The following KSR1 variants were observed in gnomAD, a reference collection of about 807,000 sequenced individuals.
KSR1 encodes the protein kinase suppressor of ras 1.
A neutral mutation model predicts 92.9 loss-of-function variants in KSR1; 35 were observed. The observed-to-expected ratio is 0.38, with a 90% CI of 0.29 to 0.50. KSR1 has a LOEUF of 0.50. KSR1 is among the 20% of genes least tolerant of loss of function. KSR1 has a pLI of 0.94. For missense variants in KSR1, 972 were observed against 1,158.5 expected (o/e 0.84, Z 2.34); for synonymous variants, 467 against 472.6 (o/e 0.99, Z 0.15).
intron 12 of KSR1, among the ~76,000 whole-genome samples, chr17:27,604,127 G>C (rs1046235461): frequency 1.3e-5 from 2 of 152,170 alleles, no homozygotes; most frequent in Non-Finnish European, 2.9e-5. Context: ...GGACCCAGGC[G>C]GGTTGGATAG....
chr17:27,565,667 C>G (rs981203435), intron 2 of KSR1, among the ~76,000 whole-genome samples: 1 of 152,154 alleles, frequency 6.6e-6, no homozygotes, highest in Non-Finnish European at 1.5e-5. Flanking sequence ...TCAAGCAGTC[C>G]ACCTGCCTCA....
chr17:27,481,254 A>C (rs746368868), intron 1 of KSR1, among the ~76,000 whole-genome samples: 4 of 151,942 alleles, frequency 2.6e-5, no homozygotes, highest in Non-Finnish European at 5.9e-5. Flanking sequence ...TTGGACTGCT[A>C]GGTTGGGAGG....
intron 1 of KSR1, among the ~76,000 whole-genome samples, chr17:27,547,114 A>T (rs1205160756): frequency 6.6e-6 from 1 of 152,170 alleles, no homozygotes; most frequent in Non-Finnish European, 1.5e-5. Context: ...TAGTACCCTG[A>T]AGGGAGCAGG....
chr17:27,559,561 C>G lies in KSR1; in HGVS notation c.372+8853C>G, dbSNP rs2071738548. On this transcript the variant is annotated intron_variant, in intron 2 of 20. Transcript: ENST00000644974. The surrounding 1 kb of genome is among the most constrained non-coding windows in gnomAD (Gnocchi z 4.2). ...AATTTGAATAGACATCTGGCTATGA[C>G]TGCATTGACCAGGGCCCTGTGGTGA... Among the ~76,000 whole-genome samples, 1 of 152,258 alleles carries G rather than the reference C, an allele frequency of 6.6e-6. No individual in the cohort carries two copies. The highest frequency in any genetic ancestry group is 2.4e-5 in the African/African-American group (1 of 41,476).
intron 2 of KSR1, among the ~76,000 whole-genome samples, chr17:27,556,662 T>G (rs2071607150): frequency 6.6e-6 from 1 of 152,220 alleles, no homozygotes; most frequent in Non-Finnish European, 1.5e-5. Context: ...CCTGTATGTT[T>G]CCTAAGAAAT....
intron 14 of KSR1, among the ~76,000 whole-genome samples, chr17:27,606,593 C>CA (rs1159997308): frequency 6.6e-6 from 1 of 152,228 alleles, no homozygotes; most frequent in African/African-American, 2.4e-5. Flanking sequence ...AAATGTGTAA[C>CA]AACCAGTTTT....
At chr17:27,479,397 G>A (rs1210684202) in intron 1 of KSR1, among the ~76,000 whole-genome samples, 1 of 152,152 alleles carries the variant, frequency 6.6e-6, no homozygotes, top group Non-Finnish European at 1.5e-5. Context: ...TCAATAAGGC[G>A]AGAGCAGATG....
intron 20 of KSR1, chr17:27,622,202 TCTAA>T (rs745487104): frequency 9.3e-6 from 5 of 536,636 alleles, no homozygotes; most frequent in African/African-American, 1.9e-5. Flanking sequence ...CTGGGCAGCT[TCTAA>T]CTACCTTCCT....
rs185909666 is a variant in KSR1, at chr17:27,588,651, A to T, written c.1046+116A>T. On this transcript the variant is annotated intron_variant, in intron 6 of 20. Transcript: ENST00000644974. ...CTCTTTGCCTCTGACGGGCCTGTCCATTTCACCTGTGGGACATGGCCCTGC... is the reference window on the plus strand; with the variant it reads ...CTCTTTGCCTCTGACGGGCCTGTCCTTTTCACCTGTGGGACATGGCCCTGC... 4,378 of 919,032 alleles carry T rather than the reference A, an allele frequency of 4.8e-3. 19 individuals carry two copies. The highest frequency in any genetic ancestry group is 6.1e-3 in the Non-Finnish European group (3,901 of 637,188). The allele number at this position is 919,032 out of a possible 1,614,324, so 56.9% of individuals were successfully genotyped here.
At chr17:27,613,083 C>A (rs1016209296) in intron 18 of KSR1, 1 of 152,224 alleles carries the variant, frequency 6.6e-6, no homozygotes, top group Non-Finnish European at 1.5e-5. Flanking sequence ...AAAGATGACA[C>A]CAAAATGCTA....
At chr17:27,491,873 TCA>T (rs1173222713) in intron 1 of KSR1, among the ~76,000 whole-genome samples, 1 of 152,118 alleles carries the variant, frequency 6.6e-6, no homozygotes, top group Non-Finnish European at 1.5e-5. Context: ...GTTTTTGCCC[TCA>T]CAGGCTGGCT....
intron 1 of KSR1, among the ~76,000 whole-genome samples, chr17:27,535,411 C>T (rs2070720242): frequency 6.6e-6 from 1 of 152,164 alleles, no homozygotes; most frequent in Non-Finnish European, 1.5e-5. Flanking sequence ...TAATTCTGGT[C>T]TCATTTGAAA....
At position 27,590,417 on chromosome 17, in the gene KSR1, C is replaced by T. The variant is rs564774330; in HGVS notation, c.1047-394C>T. ...GATGGACACATAGGTTATTTTCCGT[C>T]TTTATGCTGCTAACATGCTGCAGGC... On this transcript the variant is annotated intron_variant, in intron 6 of 20. Transcript: ENST00000644974. 6.6e-5 allele frequency among the ~76,000 whole-genome samples: 10 copies of T among 152,326 alleles called. No individual in the cohort carries two copies. The East Asian group carries it at 1.9e-3, about 29-fold the overall frequency.
At chr17:27,524,919 G>A (rs568331617) in intron 1 of KSR1, among the ~76,000 whole-genome samples, 1 of 152,264 alleles carries the variant, frequency 6.6e-6, no homozygotes, top group Non-Finnish European at 1.5e-5. Flanking sequence ...GTGGAAAACG[G>A]TGGGGCACAT....
chr17:27,461,347 C>T (rs1020063462), intron 1 of KSR1, among the ~76,000 whole-genome samples: 2 of 152,200 alleles, frequency 1.3e-5, no homozygotes, highest in African/African-American at 4.8e-5. Flanking sequence ...TCCCAAAGTG[C>T]TGGGATTACA....
At chr17:27,571,435 G>T (rs1338156886) in intron 2 of KSR1, among the ~76,000 whole-genome samples, 1 of 152,220 alleles carries the variant, frequency 6.6e-6, no homozygotes, top group Non-Finnish European at 1.5e-5. Flanking sequence ...CCCAGCCTGG[G>T]CTGCCATAGA....
intron 5 of KSR1, chr17:27,588,153 A>G (rs1170136670): frequency 5.1e-6 from 1 of 195,036 alleles, no homozygotes; most frequent in Non-Finnish European, 1.0e-5. Flanking sequence ...GCTGTGTAGA[A>G]GCTTCTGCCC....
At chr17:27,512,577 G>T (rs2069638246) in intron 1 of KSR1, among the ~76,000 whole-genome samples, 1 of 152,170 alleles carries the variant, frequency 6.6e-6, no homozygotes, top group South Asian at 2.1e-4. Context: ...ACAAAAATTA[G>T]CTGGATGTGG....
rs778375121 is a variant in KSR1 at position 27,582,918 on chromosome 17, C to A, written c.793C>A (p.Leu265Met). 1 of 1,612,654 alleles carries A rather than the reference C, an allele frequency of 6.2e-7. No individual in the cohort carries two copies. The highest frequency in any genetic ancestry group is 8.5e-7 in the Non-Finnish European group (1 of 1,179,418). ...HASGRLTPRALHSFITPPTTP... is the reference protein window; with the variant it reads ...HASGRLTPRAMHSFITPPTTP... ...CAGCGGCCGGCTGACCCCCCGTGCC[C>A]TGCACAGCTTCATCACCCCGCCCAC... is the stretch of plus-strand genomic sequence containing the variant. The change falls in exon 4 of 21, where the codon CTG becomes ATG. Residue 265 changes from leucine to methionine, a missense_variant. Leu to Met is a conservative substitution (Grantham distance 15). Transcript: ENST00000644974.
Sources: gnomAD v4.1 joint callset for allele counts (sites outside exome capture counted in the v4.1 genomes callset) on GRCh38, gnomAD v4.1.1 for gene constraint, Gnocchi (gnomAD v3.1) non-coding constraint, MANE v1.5 for transcripts, NCBI Gene and HGNC (gene_info 2026-07-23, HGNC 2026-07-21) for gene names.